Variants in RICTOR observed in about 807,000 individuals in gnomAD.
RICTOR encodes RPTOR independent companion of MTOR complex 2, also known as rapamycin-insensitive companion of mTOR.
In RICTOR, 49 loss-of-function variants were observed where a neutral mutation model predicts 214.9. The ratio of observed to expected loss-of-function variants is 0.23; its 90% confidence interval spans 0.18 to 0.29. The LOEUF (loss-of-function observed/expected upper bound fraction) is 0.29, where lower values mean the gene tolerates loss of function less well. RICTOR is among the 10% of genes least tolerant of loss of function. The pLI, the probability that RICTOR is intolerant of heterozygous loss-of-function variation, is 1.00. For synonymous variants in RICTOR, 717 were observed against 711.3 expected (o/e 1.01, Z -0.13); for missense variants, 1,625 against 2,047.0 (o/e 0.79, Z 3.98).
At position 39,002,382 on chromosome 5, in the gene RICTOR, T is replaced by TTGTG. The variant is rs112241926; in HGVS notation, c.392+149_392+152dup. 6.3e-3 allele frequency among the ~76,000 whole-genome samples: 932 copies of TTGTG among 146,950 alleles called. 2 individuals are homozygous for TTGTG. The highest frequency in any genetic ancestry group is 8.5e-3 in the Non-Finnish European group (566 of 66,280). On this transcript the variant is annotated intron_variant, in intron 5 of 37. Transcript: ENST00000357387. Reference sequence around the variant, plus strand: ...AAATGTTCTAAATCTTGTTACTTGGTTGTGTGTGTGTGTGTGTGTATATAT... The same window carrying TTGTG: ...AAATGTTCTAAATCTTGTTACTTGGTTGTGTGTGTGTGTGTGTGTGTGTATATAT...
Position 38,982,032 on chromosome 5 carries a change from A to C in RICTOR, c.588T>G (p.Leu196=), listed in dbSNP as rs770916328. The part of the protein sequence containing the change: ...ACIAIICELA[L]QNPEVVALRG... ...GAAGGGCCACCACCTCTGGATTCTGAAGTGCTAAAAGAGAAAAACTTAACA... is the reference window on the plus strand; with the variant it reads ...GAAGGGCCACCACCTCTGGATTCTGCAGTGCTAAAAGAGAAAAACTTAACA... The change falls in exon 8 of 38, where the codon CTT becomes CTG. Residue 196 remains leucine (L), a synonymous_variant. Coordinates refer to ENST00000357387, the MANE Select transcript of RICTOR (RefSeq NM_152756.5). 1 of 1,604,022 alleles carries C rather than the reference A, an allele frequency of 6.2e-7. No homozygotes were observed. The highest frequency in any genetic ancestry group is 1.1e-5 in the South Asian group (1 of 90,032).
chr5:39,006,774 A>AGGGGAGAGGG (rs1561524852), intron 3 of RICTOR, among the ~76,000 whole-genome samples: 3 of 43,022 alleles, frequency 7.0e-5, no homozygotes, highest in African/African-American at 1.0e-4. Context: ...AGGGGAGAGG[A>AGGGGAGAGGG]GAGGAGGGGA....
At chr5:39,051,309 C>A (rs898195190) in intron 2 of RICTOR, among the ~76,000 whole-genome samples, 1 of 152,246 alleles carries the variant, frequency 6.6e-6, no homozygotes, top group African/African-American at 2.4e-5. Flanking sequence ...AGACACTACG[C>A]TGGGGTCTAT....
intron 30 of RICTOR, among the ~76,000 whole-genome samples, chr5:38,951,048 T>C (rs1316024023): frequency 6.6e-6 from 1 of 151,948 alleles, no homozygotes; most frequent in East Asian, 1.9e-4. Flanking sequence ...AAAGGAGACT[T>C]GGCCATGGAT....
In RICTOR at chr5:38,958,801, T is replaced by C. The variant is rs1334961479; in HGVS notation, c.2209A>G (p.Arg737Gly). 2 of 1,603,468 alleles carry C rather than the reference T, an allele frequency of 1.2e-6. No individual in the cohort carries two copies. The highest frequency in any genetic ancestry group is 2.7e-5 in the African/African-American group (2 of 74,316). ...ACRLYATKHL[R>G]VLLRANVEFF... ...TCAACATTAGCTCTCAATAATACCC[T>C]TAAATGTTTTGTTGCATAGAGTCTG... The change falls in exon 23 of 38, where the codon AGG becomes GGG. Residue 737 changes from arginine to glycine, a missense_variant. Arg to Gly is a moderately radical substitution (Grantham distance 125). Coordinates refer to ENST00000357387, the MANE Select transcript of RICTOR (RefSeq NM_152756.5).
chr5:39,043,717 T>C (rs1310083598), intron 2 of RICTOR, among the ~76,000 whole-genome samples: 1 of 152,146 alleles, frequency 6.6e-6, no homozygotes, highest in African/African-American at 2.4e-5. Context: ...GTGGCTGTAT[T>C]GAGAGGTGGG....
Position 38,952,178 on chromosome 5 carries a change from A to T in RICTOR, c.3127+18T>A, listed in dbSNP as rs1321981778. On this transcript the variant is annotated intron_variant, in intron 30 of 37. Coordinates refer to ENST00000357387, the MANE Select transcript of RICTOR (RefSeq NM_152756.5). ...GTTAACATTGGCTAACTTTATATGA[A>T]CCTGTCAGGATACTCACTCGATGGC... The T allele has an allele frequency of 5.8e-6, 8 of 1,389,368 alleles. No homozygotes were observed. In the East Asian group the frequency reaches 1.4e-4, roughly 24 times the overall value. The allele number at this position is 1,389,368 out of a possible 1,614,324, so 86.1% of individuals were successfully genotyped here.
chr5:38,972,231 G>A (rs1055616723), intron 10 of RICTOR, among the ~76,000 whole-genome samples: 1 of 152,174 alleles, frequency 6.6e-6, no homozygotes. Context: ...CTGACTGCCT[G>A]ATGAACTCTT....
chr5:39,070,679 T>G (rs1200405563), intron 2 of RICTOR, among the ~76,000 whole-genome samples: 1 of 152,198 alleles, frequency 6.6e-6, no homozygotes, highest in Non-Finnish European at 1.5e-5. Flanking sequence ...GTGTCCATAT[T>G]CTGGGAATTC....
intron 2 of RICTOR, among the ~76,000 whole-genome samples, chr5:39,027,505 AGT>A (rs1755927397): frequency 6.6e-6 from 1 of 152,158 alleles, no homozygotes; most frequent in Non-Finnish European, 1.5e-5. Flanking sequence ...AATAAATGTA[AGT>A]GTAATGTGTT....
intron 6 of RICTOR, among the ~76,000 whole-genome samples, chr5:38,991,785 C>A (rs1474344945): frequency 6.6e-6 from 1 of 152,082 alleles, no homozygotes; most frequent in Non-Finnish European, 1.5e-5. Context: ...AAACAGGTAA[C>A]ATATGTCTTT....
intron 3 of RICTOR, among the ~76,000 whole-genome samples, chr5:39,020,174 A>C (rs183172429): frequency 3.3e-5 from 5 of 152,328 alleles, no homozygotes; most frequent in African/African-American, 1.2e-4. Flanking sequence ...ATTCCTGGTG[A>C]AGATGCTATG....
intron 32 of RICTOR, 138 bp downstream of exon 32, chr5:38,947,126 C>T: frequency 1.6e-6 from 1 of 622,496 alleles, no homozygotes; most frequent in East Asian, 2.7e-5. Flanking sequence ...CTTAAAGTTT[C>T]TTTAAACAAA....
Position 38,982,057 on chromosome 5 carries a change from A to G in RICTOR, c.584-21T>C, listed in dbSNP as rs759675219. On this transcript the variant is annotated intron_variant, in intron 7 of 37. Transcript: ENST00000357387. ...AAGTGCTAAAAGAGAAAAACTTAAC[A>G]TATTATATTTGGGGTAATTATTAAA... 1.2e-5 allele frequency: 18 copies of G among 1,564,514 alleles called. No individual in the cohort carries two copies. The Admixed American group carries it at 1.9e-4, about 17-fold the overall frequency.
Position 39,021,043 on chromosome 5 carries a change from G to C in RICTOR, c.191C>G (p.Thr64Ser), listed in dbSNP as rs1755385497. Reference sequence around the variant, plus strand: ...ATAAAAATTCAAGTTACTTACCTTAGTAAAGTTATTCAGATGGCCTAGCTT... The same window carrying C: ...ATAAAAATTCAAGTTACTTACCTTACTAAAGTTATTCAGATGGCCTAGCTT... ...MRKLGHLNNF[T>S]KLLCDIGHSE... The change falls in exon 3 of 38, where the codon ACT (threonine) becomes AGT (serine). Residue 64 changes from threonine to serine, a missense_variant. Transcript: ENST00000357387. 1 of 1,493,614 alleles carries C rather than the reference G, an allele frequency of 6.7e-7. No individual in the cohort carries two copies. The highest frequency in any genetic ancestry group is 9.3e-7 in the Non-Finnish European group (1 of 1,070,078). The allele number at this position is 1,493,614 out of a possible 1,614,324, so 92.5% of individuals were successfully genotyped here.
Position 38,964,066 on chromosome 5 carries a change from A to G in RICTOR, c.1400+726T>C, listed in dbSNP as rs867016910. Among the ~76,000 whole-genome samples the G allele has an allele frequency of 1.6e-4, 25 of 151,794 alleles. No homozygotes were observed. The Middle Eastern group carries it at 0.01, about 62-fold the overall frequency. ...ATACATAGTTTTGAATAGCTAAAAA[A>G]CTCCATTTCACTAACATCAAGCAAA... On this transcript the variant is annotated intron_variant, in intron 16 of 37. Coordinates refer to ENST00000357387, the MANE Select transcript of RICTOR (RefSeq NM_152756.5).
intron 21 of RICTOR, among the ~76,000 whole-genome samples, 168 bp from the exon 22 acceptor site, chr5:38,959,489 C>A (rs1186851441): frequency 1.3e-5 from 2 of 152,094 alleles, no homozygotes; most frequent in Non-Finnish European, 2.9e-5. Flanking sequence ...AAGATTACCA[C>A]AATCAATGAA....
intron 2 of RICTOR, among the ~76,000 whole-genome samples, chr5:39,037,120 T>C (rs1756772024): frequency 6.6e-6 from 1 of 152,188 alleles, no homozygotes; most frequent in Non-Finnish European, 1.5e-5. Flanking sequence ...AAACTGTCTC[T>C]CAGACCACAG....
intron 35 of RICTOR, 152 bp from the exon 36 acceptor site, chr5:38,944,721 C>A: frequency 1.2e-6 from 1 of 865,780 alleles, no homozygotes; most frequent in Non-Finnish European, 1.8e-6. Flanking sequence ...CTAATAAAAG[C>A]AGATAGCTAA....
Sources: gnomAD v4.1 joint callset for allele counts (sites outside exome capture counted in the v4.1 genomes callset) on GRCh38, gnomAD v4.1.1 for gene constraint, MANE v1.5 for transcripts, NCBI Gene and HGNC (gene_info 2026-07-23, HGNC 2026-07-21) for gene names.